C16orf74: variants seen among roughly 807,000 people sequenced by gnomAD.
C16orf74 encodes uncharacterized protein C16orf74.
C16orf74 carries 10 observed loss-of-function variants against 6.5 expected under a neutral mutation model. The observed-to-expected ratio is 1.54, with a 90% confidence interval of 0.95 to 2.61. The LOEUF is 2.61. Among genes scored for constraint, C16orf74 ranks in the 30% most tolerant of loss-of-function variants. The probability of loss-of-function intolerance (pLI) is 0.00; values close to 1 mark genes in which losing one functional copy is unlikely to be tolerated. For missense variants in C16orf74, 141 were observed against 105.9 expected (o/e 1.33, Z -1.45); for synonymous variants, 60 against 42.5 (o/e 1.41, Z -1.60).
intron 2 of C16orf74, among the ~76,000 whole-genome samples, chr16:85,719,371 G>C (rs182718790): frequency 1.3e-5 from 2 of 152,164 alleles, no homozygotes; most frequent in African/African-American, 4.8e-5. Flanking sequence ...AAAAGCAGGA[G>C]GGTCCCCAGT....
chr16:85,724,640 CGGGGATGACGGGGATGATGGGAATCAT>C (rs2054115194), intron 2 of C16orf74, among the ~76,000 whole-genome samples: 1 of 151,996 alleles, frequency 6.6e-6, no homozygotes, highest in Non-Finnish European at 1.5e-5. Context: ...ATGGGAATGA[CGGGGATGACGGGGATGATGGGAATCAT>C]GGGGATGACG....
chr16:85,708,915 G>A lies in C16orf74; in HGVS notation c.173-849C>T, dbSNP rs148562190. 1.2e-3 allele frequency among the ~76,000 whole-genome samples: 190 copies of A among 152,386 alleles called. 1 individual carries two copies. The highest frequency in any genetic ancestry group is 4.4e-3 in the African/African-American group (183 of 41,596). On this transcript the variant is annotated intron_variant, in intron 3 of 3. Transcript: ENST00000284245. Reference sequence around the variant, plus strand: ...CAGCGAGACCCATGTCATGATGGCTGTCAGCTAACTGATGCCACTTGCGGG... The same window carrying A: ...CAGCGAGACCCATGTCATGATGGCTATCAGCTAACTGATGCCACTTGCGGG...
chr16:85,727,113 C>T (rs901921961), intron 2 of C16orf74, among the ~76,000 whole-genome samples: 1 of 152,250 alleles, frequency 6.6e-6, no homozygotes, highest in Non-Finnish European at 1.5e-5. Context: ...GGGCCAGCGC[C>T]CAGTGCACGG....
At chr16:85,737,111 T>G (rs1307501701) in intron 1 of C16orf74, among the ~76,000 whole-genome samples, 2 of 150,870 alleles carry the variant, frequency 1.3e-5, no homozygotes, top group Non-Finnish European at 3.0e-5. Context: ...GAGAACTGAG[T>G]GTGGGGAAGT....
chr16:85,717,254 G>A (rs2054034815), intron 2 of C16orf74, among the ~76,000 whole-genome samples: 1 of 152,230 alleles, frequency 6.6e-6, no homozygotes, highest in South Asian at 2.1e-4. Flanking sequence ...GGCCCTCCTA[G>A]CTCCAGGACA....
chr16:85,726,465 A>C (rs2054133906), intron 2 of C16orf74, among the ~76,000 whole-genome samples: 1 of 152,148 alleles, frequency 6.6e-6, no homozygotes, highest in South Asian at 2.1e-4. Flanking sequence ...CAGAGTAGAC[A>C]AAGACCCCTG....
chr16:85,741,951 G>C (rs867442328), intron 1 of C16orf74, among the ~76,000 whole-genome samples: 20 of 152,190 alleles, frequency 1.3e-4, no homozygotes, highest in African/African-American at 4.3e-4. Flanking sequence ...ATTTGATTCA[G>C]AACACTGGGC....
At chr16:85,728,731 C>G (rs2054158994) in intron 2 of C16orf74, among the ~76,000 whole-genome samples, 1 of 152,200 alleles carries the variant, frequency 6.6e-6, no homozygotes, top group African/African-American at 2.4e-5. Context: ...CTCTCGAGAC[C>G]TGACCCAGGA....
chr16:85,740,843 A>AAAAAAG (rs2054298566), intron 1 of C16orf74, among the ~76,000 whole-genome samples: 1 of 151,210 alleles, frequency 6.6e-6, no homozygotes, highest in South Asian at 2.1e-4. Flanking sequence ...AAAAAAAAAA[A>AAAAAAG]AAAGAAAGAA....
chr16:85,731,742 C>T (rs987307354), intron 2 of C16orf74, among the ~76,000 whole-genome samples: 4 of 151,688 alleles, frequency 2.6e-5, no homozygotes, highest in Non-Finnish European at 5.9e-5. Context: ...GGCTGGAGTG[C>T]AGTGGTGTGA....
chr16:85,708,199 C>G, intron 3 of C16orf74, 133 bp from the exon 4 acceptor site: 1 of 735,890 alleles, frequency 1.4e-6, no homozygotes, highest in Non-Finnish European at 2.3e-6. Flanking sequence ...TGAGATGGGA[C>G]CCAGCCCAGT....
At chr16:85,742,549 T>G (rs2054320938) in intron 1 of C16orf74, among the ~76,000 whole-genome samples, 1 of 151,384 alleles carries the variant, frequency 6.6e-6, no homozygotes, top group Admixed American at 6.6e-5. Flanking sequence ...AAATGAAACT[T>G]TTTTTTTTGG....
At chr16:85,715,639 G>A (rs757180496) in intron 2 of C16orf74, among the ~76,000 whole-genome samples, 4 of 152,234 alleles carry the variant, frequency 2.6e-5, no homozygotes, top group Non-Finnish European at 5.9e-5. Flanking sequence ...ACGTGGAAAT[G>A]AACGAGCATG....
At chr16:85,745,814 C>T (rs1332065620) in intron 1 of C16orf74, among the ~76,000 whole-genome samples, 2 of 151,252 alleles carry the variant, frequency 1.3e-5, no homozygotes, top group Non-Finnish European at 2.9e-5. Flanking sequence ...CAGAATCTCC[C>T]GCTGGCTGGA....
intron 1 of C16orf74, among the ~76,000 whole-genome samples, chr16:85,744,884 G>A (rs1368703422): frequency 6.7e-6 from 1 of 148,346 alleles, no homozygotes; most frequent in Non-Finnish European, 1.5e-5. Flanking sequence ...GTTTACGCCT[G>A]TAATACCATC....
At position 85,712,078 on chromosome 16, in the gene C16orf74, G is replaced by T. The variant is rs139754517; in HGVS notation, c.29-1771C>A. Among the ~76,000 whole-genome samples, 317 of 152,314 alleles carry T rather than the reference G, an allele frequency of 2.1e-3. 1 individual carries two copies. Among genetic ancestry groups the T allele is most frequent in the African/African-American group, 7.2e-3 (300 of 41,568 alleles). The stretch of plus-strand genomic sequence containing the variant: ...GGAACACTTGCTCTTGGGGAAGCCA[G>T]CCACCATGTTACGAGGATGCTCAAG... On this transcript the variant is annotated intron_variant, in intron 2 of 3. Coordinates refer to ENST00000284245, the MANE Select transcript of C16orf74 (RefSeq NM_206967.3).
At chr16:85,712,384 G>A (rs1335369246) in intron 2 of C16orf74, among the ~76,000 whole-genome samples, 1 of 152,224 alleles carries the variant, frequency 6.6e-6, no homozygotes, top group Non-Finnish European at 1.5e-5. Flanking sequence ...ATAGATTACT[G>A]ACAGTCAGCA....
intron 1 of C16orf74, among the ~76,000 whole-genome samples, chr16:85,744,592 A>T (rs1179765299): frequency 6.6e-6 from 1 of 152,132 alleles, no homozygotes; most frequent in Admixed American, 6.5e-5. Context: ...GCACTTTGGG[A>T]GGCCAAGGCG....
At chr16:85,716,194 G>A (rs887183495) in intron 2 of C16orf74, among the ~76,000 whole-genome samples, 1 of 151,882 alleles carries the variant, frequency 6.6e-6, no homozygotes, top group Non-Finnish European at 1.5e-5. Flanking sequence ...TAACCTGGAA[G>A]GATCAGGTTC....
Sources: allele counts gnomAD v4.1 joint callset (sites outside exome capture counted in the v4.1 genomes callset), GRCh38; gene constraint gnomAD v4.1.1; transcripts MANE v1.5; gene names NCBI Gene and HGNC (gene_info 2026-07-23, HGNC 2026-07-21).